Variants in EGLN1 observed in about 807,000 individuals in gnomAD.
The protein encoded by EGLN1 is egl nine homolog 1.
A neutral mutation model predicts 38.3 loss-of-function variants in EGLN1; 17 were observed. The observed-to-expected ratio is 0.44, with a 90% CI of 0.30 to 0.67. The LOEUF (loss-of-function observed/expected upper bound fraction) is 0.67, where lower values mean the gene tolerates loss of function less well. EGLN1 is among the 30% of genes least tolerant of loss of function. EGLN1 has a pLI of 0.08. For synonymous variants in EGLN1, 283 were observed against 257.5 expected (o/e 1.10, Z -0.95); for missense variants, 477 against 603.3 (o/e 0.79, Z 2.19).
chr1:231,379,718 T>C (rs1399079867), intron 1 of EGLN1, among the ~76,000 whole-genome samples: 1 of 152,174 alleles, frequency 6.6e-6, no homozygotes, highest in Non-Finnish European at 1.5e-5. Flanking sequence ...GGGAGGAAAC[T>C]GGAGCACCTG....
chr1:231,365,546 G>A lies in EGLN1; in HGVS notation c.*865C>T, dbSNP rs901490046. On this transcript the variant is annotated 3_prime_UTR_variant, in exon 5 of 5. Coordinates refer to ENST00000366641, the MANE Select transcript of EGLN1 (RefSeq NM_022051.3). ...CCAGCTAGTTGGGAGGCTGAGGTGGGAGGATTGCTTGAACCTGGGAGGCGG... is the reference window on the plus strand; with the variant it reads ...CCAGCTAGTTGGGAGGCTGAGGTGGAAGGATTGCTTGAACCTGGGAGGCGG... 2.0e-5 allele frequency: 3 copies of A among 152,402 alleles called. No homozygotes were observed. Among genetic ancestry groups the A allele is most frequent in the African/African-American group, 4.8e-5 (2 of 41,434 alleles). The allele number at this position is 152,402 out of a possible 1,614,324, so 9.4% of individuals were successfully genotyped here.
chr1:231,421,036 C>G lies in EGLN1; in HGVS notation c.853G>C (p.Gly285Arg), dbSNP rs1184568745. 9 of 1,614,116 alleles carry G rather than the reference C, an allele frequency of 5.6e-6. No individual in the cohort carries two copies. Among genetic ancestry groups the G allele is most frequent in the African/African-American group, 1.3e-5 (1 of 75,022 alleles). The change falls in exon 1 of 5, where the codon GGG (glycine) becomes CGG (arginine). Residue 285 changes from glycine to arginine, a missense_variant. By Grantham distance (125) the Gly-to-Arg change is moderately radical. Coordinates refer to ENST00000366641, the MANE Select transcript of EGLN1 (RefSeq NM_022051.3). This position sits in a 1 kb window ranked among gnomAD's most constrained non-coding sequence, Gnocchi z 5.5. ...TTGATTTTGTAGCTGCCCAGCTTCC[C>G]GTTACAGTGGCGTATCAGGTCGTCC... Reference protein sequence around the residue: ...SMDDLIRHCNGKLGSYKINGR... With the variant: ...SMDDLIRHCNRKLGSYKINGR...
chr1:231,405,697 C>A (rs888819936), intron 1 of EGLN1, among the ~76,000 whole-genome samples: 2 of 152,028 alleles, frequency 1.3e-5, no homozygotes, highest in African/African-American at 4.8e-5. Context: ...TTCCCCACCC[C>A]ACACTACTGT....
intron 1 of EGLN1, among the ~76,000 whole-genome samples, chr1:231,377,455 A>G (rs1687988758): frequency 6.6e-6 from 1 of 152,214 alleles, no homozygotes; most frequent in South Asian, 2.1e-4. Flanking sequence ...GCAGAAAACC[A>G]ACATGATTTG....
intron 1 of EGLN1, among the ~76,000 whole-genome samples, chr1:231,383,774 G>A (rs372999611): frequency 1.2e-4 from 18 of 152,006 alleles, no homozygotes; most frequent in African/African-American, 4.1e-4. Context: ...AGTAAGAATC[G>A]CTTGGGTTAC....
chr1:231,376,139 A>G (rs1044381877), intron 1 of EGLN1, among the ~76,000 whole-genome samples: 4 of 152,344 alleles, frequency 2.6e-5, no homozygotes, highest in Middle Eastern at 3.4e-3. Flanking sequence ...GTCCCTCCTT[A>G]TAAGAAGTTT....
At chr1:231,404,988 C>T (rs559645991) in intron 1 of EGLN1, among the ~76,000 whole-genome samples, 6 of 152,092 alleles carry the variant, frequency 3.9e-5, no homozygotes, top group East Asian at 3.9e-4. Context: ...ACAATAGATT[C>T]GCTTTAATTA....
At chr1:231,384,644 A>T (rs1290008801) in intron 1 of EGLN1, among the ~76,000 whole-genome samples, 1 of 152,184 alleles carries the variant, frequency 6.6e-6, no homozygotes, top group Non-Finnish European at 1.5e-5. Context: ...GAAGTCAGAC[A>T]GGTAAGGGGT....
intron 1 of EGLN1, among the ~76,000 whole-genome samples, chr1:231,375,944 C>T (rs1687947346): frequency 6.6e-6 from 1 of 152,298 alleles, no homozygotes; most frequent in South Asian, 2.1e-4. Context: ...GCCTTTCCAA[C>T]TATCTGGTAA....
intron 1 of EGLN1, among the ~76,000 whole-genome samples, chr1:231,387,650 C>T (rs889961251): frequency 3.3e-5 from 5 of 152,338 alleles, no homozygotes; most frequent in Non-Finnish European, 7.3e-5. Flanking sequence ...TGAGCCACCA[C>T]ACCCGGCCGC....
At chr1:231,385,939 C>G (rs575557662) in intron 1 of EGLN1, among the ~76,000 whole-genome samples, 1 of 152,094 alleles carries the variant, frequency 6.6e-6, no homozygotes, top group African/African-American at 2.4e-5. Context: ...CAGCCTCAGC[C>G]TCCTGGGCTC....
chr1:231,408,158 A>G (rs1319693497), intron 1 of EGLN1, among the ~76,000 whole-genome samples: 7 of 152,346 alleles, frequency 4.6e-5, no homozygotes, highest in Admixed American at 1.3e-4. Flanking sequence ...TTTTTGAGAA[A>G]AGAGAGATCA....
chr1:231,380,920 GTTA>G (rs1298953771), intron 1 of EGLN1, among the ~76,000 whole-genome samples: 3 of 151,896 alleles, frequency 2.0e-5, no homozygotes, highest in Non-Finnish European at 2.9e-5. Flanking sequence ...TCCCTACTGA[GTTA>G]TTATTATTAT....
intron 2 of EGLN1, among the ~76,000 whole-genome samples, chr1:231,371,189 C>T (rs112764546): frequency 0.017 from 2,577 of 152,274 alleles, 73 homozygotes; most frequent in African/African-American, 0.059. Flanking sequence ...TGTCCCCAGC[C>T]ATTTTAGGGA....
chr1:231,410,291 T>C (rs1209423671), intron 1 of EGLN1, among the ~76,000 whole-genome samples: 2 of 151,928 alleles, frequency 1.3e-5, no homozygotes, highest in Non-Finnish European at 2.9e-5. Flanking sequence ...AAGAAAGCTG[T>C]CATGTTAGGG....
At chr1:231,397,251 T>C (rs1349177427) in intron 1 of EGLN1, among the ~76,000 whole-genome samples, 1 of 152,278 alleles carries the variant, frequency 6.6e-6, no homozygotes, top group East Asian at 1.9e-4. Flanking sequence ...AATAGTCATC[T>C]TGATTTTATA....
intron 1 of EGLN1, among the ~76,000 whole-genome samples, chr1:231,391,092 T>TTTTTTTTG (rs1553353098): frequency 4.5e-5 from 3 of 67,368 alleles, no homozygotes; most frequent in African/African-American, 1.4e-4. Flanking sequence ...TGTTTTTTTT[T>TTTTTTTTG]TGTGTGTGTG....
chr1:231,393,307 G>C (rs768357541), intron 1 of EGLN1, among the ~76,000 whole-genome samples: 2 of 152,020 alleles, frequency 1.3e-5, no homozygotes, highest in Admixed American at 1.3e-4. Context: ...GTTTTGTTTC[G>C]GTTATTTGCA....
chr1:231,391,092 T>TTTTGTGTGTGTG lies in EGLN1; in HGVS notation c.892-16994_892-16993insCACACACACAAA, dbSNP rs1553353098. ...ACAGGGAACTCATTCTGTTTTTTTT[T>TTTTGTGTGTGTG]TGTGTGTGTGTGTGTGTGTGTGTGT... On this transcript the variant is annotated intron_variant, in intron 1 of 4. Coordinates refer to ENST00000366641, the MANE Select transcript of EGLN1 (RefSeq NM_022051.3). Among the ~76,000 whole-genome samples, 5 of 67,366 alleles carry TTTTGTGTGTGTG rather than the reference T, an allele frequency of 7.4e-5. 1 individual carries two copies. Among genetic ancestry groups the TTTTGTGTGTGTG allele is most frequent in the African/African-American group, 1.9e-4 (4 of 21,062 alleles). The allele number at this position is 67,366 out of a possible 152,430, so 44.2% of individuals were successfully genotyped here. A position where few individuals can be genotyped will look rare whatever the true frequency, so the allele number is the denominator to read the frequency against.
Sources: gnomAD v4.1 joint callset for allele counts (sites outside exome capture counted in the v4.1 genomes callset) on GRCh38, gnomAD v4.1.1 for gene constraint, Gnocchi (gnomAD v3.1) non-coding constraint, MANE v1.5 for transcripts, NCBI Gene and HGNC (gene_info 2026-07-23, HGNC 2026-07-21) for gene names.